FUCA2: variants seen among roughly 807,000 people sequenced by gnomAD.
FUCA2 encodes plasma alpha-L-fucosidase.
Under a neutral mutation model 52.6 loss-of-function variants are expected in FUCA2, and 41 were observed. The ratio of observed to expected loss-of-function variants is 0.78; its 90% CI spans 0.61 to 1.01. The LOEUF (loss-of-function observed/expected upper bound fraction) is 1.01. Ranked by LOEUF, FUCA2 falls within the 50% of genes least tolerant of loss-of-function variation. The pLI is 0.00. For synonymous variants in FUCA2, 211 were observed against 217.3 expected (o/e 0.97, Z 0.26); for missense variants, 507 against 569.5 (o/e 0.89, Z 1.12).
Position 143,502,270 on chromosome 6 carries a change from G to A in FUCA2, c.963+85C>T. ...ATAGAACAATGTCCTATATTTATAG[G>A]CCATTGAGCCATAGAAGAAATAATT... On this transcript the variant is annotated intron_variant, in intron 4 of 6. Transcript: ENST00000002165. The surrounding 1 kb of genome is among the most constrained non-coding windows in gnomAD (Gnocchi z 4.1). The A allele has an allele frequency of 1.4e-6, 2 of 1,404,560 alleles. No homozygotes were observed. Among genetic ancestry groups the A allele is most frequent in the South Asian group, 1.3e-5 (1 of 77,054 alleles). The allele number at this position is 1,404,560 out of a possible 1,614,324, so 87.0% of individuals were successfully genotyped here.
In FUCA2 at chr6:143,510,790, C is replaced by G. The variant is rs77060140; in HGVS notation, c.224+621G>C. Among the ~76,000 whole-genome samples, 298 of 152,272 alleles carry G rather than the reference C, an allele frequency of 2.0e-3. No individual in the cohort carries two copies. The highest frequency in any genetic ancestry group is 2.8e-3 in the Non-Finnish European group (190 of 68,030). On this transcript the variant is annotated intron_variant, in intron 1 of 6. Transcript: ENST00000002165. The surrounding 1 kb of genome is among the most constrained non-coding windows in gnomAD (Gnocchi z 4.4). ...TACATGCACATTTTCACATAGATCT[C>G]AAGGTAAAATCTAACGCACAGATTT...
rs1780516223 is a variant in FUCA2, at chr6:143,500,624, G to A, written c.1154+1308C>T. On this transcript the variant is annotated intron_variant, in intron 5 of 6. Transcript: ENST00000002165. This position sits in a 1 kb window ranked among gnomAD's most constrained non-coding sequence, Gnocchi z 6.9. The stretch of plus-strand genomic sequence containing the variant: ...AGTGGAAGTGTTGAGTAAGAAGTTC[G>A]ACTTTGCATTACCAATATGACCTTG... Among the ~76,000 whole-genome samples the A allele has an allele frequency of 2.0e-5, 3 of 152,098 alleles. No individual in the cohort carries two copies. The highest frequency in any genetic ancestry group is 1.3e-4 in the Admixed American group (2 of 15,270).
Position 143,510,675 on chromosome 6 carries a change from T to A in FUCA2, c.224+736A>T, listed in dbSNP as rs994316490. ...AAAAAGAATATATTATGTGTATGTT[T>A]CTATATATGCACACAAAATATTTCT... On this transcript the variant is annotated intron_variant, in intron 1 of 6. Transcript: ENST00000002165. The surrounding 1 kb of genome is among the most constrained non-coding windows in gnomAD (Gnocchi z 4.4). Among the ~76,000 whole-genome samples the A allele has an allele frequency of 6.6e-6, 1 of 152,124 alleles. No homozygotes were observed. Among genetic ancestry groups the A allele is most frequent in the East Asian group, 1.9e-4 (1 of 5,198 alleles).
Position 143,495,675 on chromosome 6 carries a change from A to G in FUCA2, c.*32T>C. On this transcript the variant is annotated 3_prime_UTR_variant, in exon 7 of 7. Coordinates refer to ENST00000002165, the MANE Select transcript of FUCA2 (RefSeq NM_032020.5). The surrounding 1 kb of genome is among the most constrained non-coding windows in gnomAD (Gnocchi z 5.2). ...CACCTGATAGTTCCTAGCCTTAGAC[A>G]TAACTTGCAGCATCAGCCACTCTGC... is the stretch of plus-strand genomic sequence containing the variant. The G allele has an allele frequency of 1.3e-6, 2 of 1,598,738 alleles. No homozygotes were observed. Among genetic ancestry groups the G allele is most frequent in the East Asian group, 2.2e-5 (1 of 44,622 alleles).
chr6:143,508,193 CA>C (rs1780635718), intron 1 of FUCA2, among the ~76,000 whole-genome samples: 1 of 152,214 alleles, frequency 6.6e-6, no homozygotes, highest in Non-Finnish European at 1.5e-5. Context: ...TAAATGGACT[CA>C]ACCTTCAACA....
chr6:143,501,544 G>T lies in FUCA2; in HGVS notation c.1154+388C>A, dbSNP rs754396628. ...CTCTGCCATTGGGTACCTCTTGTTT[G>T]CTAATTTCATGGGATGCAACATCTG... On this transcript the variant is annotated intron_variant, in intron 5 of 6. Transcript: ENST00000002165. This position sits in a 1 kb window ranked among gnomAD's most constrained non-coding sequence, Gnocchi z 6.1. 1.3e-5 allele frequency among the ~76,000 whole-genome samples: 2 copies of T among 152,104 alleles called. No individual in the cohort carries two copies. The highest frequency in any genetic ancestry group is 2.9e-5 in the Non-Finnish European group (2 of 68,022).
chr6:143,495,772 G>A lies in FUCA2; in HGVS notation c.1339C>T (p.Gln447Ter). 1 of 1,613,970 alleles carries A rather than the reference G, an allele frequency of 6.2e-7. No homozygotes were observed. The highest frequency in any genetic ancestry group is 8.5e-7 in the Non-Finnish European group (1 of 1,179,860). The part of the protein sequence containing the change: ...EQNGIMVELP[Q>*]LTIHQMPCKW... ...CACGGCATCTGATGAATGGTTAGCTGTGGCAGTTCTACCATAATGCCATTT... is the reference window on the plus strand; with the variant it reads ...CACGGCATCTGATGAATGGTTAGCTATGGCAGTTCTACCATAATGCCATTT... The change falls in exon 7 of 7, where the codon CAG becomes TAG. Residue 447 changes from glutamine to a stop codon, truncating the protein, a stop_gained. Transcript: ENST00000002165. LOFTEE classifies it low-confidence loss of function (END_TRUNC). This position sits in a 1 kb window ranked among gnomAD's most constrained non-coding sequence, Gnocchi z 5.2.
rs866162357 is a variant in FUCA2 at position 143,497,380 on chromosome 6, C to G, written c.1263+9G>C. ...CAATTTAAAGGAATAAGGTAAAATT[C>G]CCTCTTACCTCTGTTGCCCCCAGAA... On this transcript the variant is annotated intron_variant, in intron 6 of 6. Coordinates refer to ENST00000002165, the MANE Select transcript of FUCA2 (RefSeq NM_032020.5). This position sits in a 1 kb window ranked among gnomAD's most constrained non-coding sequence, Gnocchi z 5.3. 12 of 1,550,440 alleles carry G rather than the reference C, an allele frequency of 7.7e-6. 1 individual carries two copies. In the Middle Eastern group the frequency reaches 2.0e-3, roughly 261 times the overall value.
Position 143,502,369 on chromosome 6 carries a change from C to T in FUCA2, c.949G>A (p.Glu317Lys). The change falls in exon 4 of 7, where the codon GAA (glutamate) becomes AAA (lysine). Residue 317 changes from glutamate to lysine, a missense_variant. Physicochemically the swap from Glu to Lys is moderately conservative, Grantham distance 56. Coordinates refer to ENST00000002165, the MANE Select transcript of FUCA2 (RefSeq NM_032020.5). This position sits in a 1 kb window ranked among gnomAD's most constrained non-coding sequence, Gnocchi z 4.1. ...EAGISDYLTI[E>K]ELVKQLVETV... Reference sequence around the variant, plus strand: ...TTTCACTGTACCTTCACCAATTCTTCAATTGTAAGATAGTCAGAGATTCCA... The same window carrying T: ...TTTCACTGTACCTTCACCAATTCTTTAATTGTAAGATAGTCAGAGATTCCA... The T allele has an allele frequency of 6.2e-7, 1 of 1,613,832 alleles. No individual in the cohort carries two copies. The highest frequency in any genetic ancestry group is 8.5e-7 in the Non-Finnish European group (1 of 1,179,800).
intron 5 of FUCA2, among the ~76,000 whole-genome samples, chr6:143,498,220 T>C (rs1780486519): frequency 6.6e-6 from 1 of 151,824 alleles, no homozygotes; most frequent in Non-Finnish European, 1.5e-5. Context: ...ACTCAAGAAA[T>C]ACTTATTGAA....
In FUCA2 at chr6:143,507,201, C is replaced by G. The variant is rs1780619179; in HGVS notation, c.412+36G>C. ...AAAGAACAACTTTTCATTTCTTAAC[C>G]ATTGTCAGCAATTTCCATAGGCTGG... On this transcript the variant is annotated intron_variant, in intron 2 of 6. Transcript: ENST00000002165. This position sits in a 1 kb window ranked among gnomAD's most constrained non-coding sequence, Gnocchi z 4.5. 6.5e-7 allele frequency: 1 copy of G among 1,527,180 alleles called. No individual in the cohort carries two copies. The highest frequency in any genetic ancestry group is 8.8e-7 in the Non-Finnish European group (1 of 1,137,368). The allele number at this position is 1,527,180 out of a possible 1,614,324, so 94.6% of individuals were successfully genotyped here. A position where few individuals can be genotyped will look rare whatever the true frequency, so the allele number is the denominator to read the frequency against.
chr6:143,511,440 G>T lies in FUCA2; in HGVS notation c.195C>A (p.Ser65=), dbSNP rs776083578. 1.9e-6 allele frequency: 3 copies of T among 1,611,750 alleles called. No homozygotes were observed. In the African/African-American group the frequency reaches 4.0e-5, roughly 21 times the overall value. Residue 65 remains serine, a synonymous_variant, in exon 1 of 7, where the codon TCC becomes TCA. Coordinates refer to ENST00000002165, the MANE Select transcript of FUCA2 (RefSeq NM_032020.5). This position sits in a 1 kb window ranked among gnomAD's most constrained non-coding sequence, Gnocchi z 6.3. ...FGIFIHWGVF[S]VPSFGSEWFW... ...ACCACTCGCTACCGAAGCTGGGCACGGAAAACACTCCCCAGTGGATGAAGA... is the reference window on the plus strand; with the variant it reads ...ACCACTCGCTACCGAAGCTGGGCACTGAAAACACTCCCCAGTGGATGAAGA...
At position 143,495,898 on chromosome 6, in the gene FUCA2, C is replaced by T; in HGVS notation, c.1264-51G>A. The T allele has an allele frequency of 3.2e-6, 5 of 1,586,900 alleles. No homozygotes were observed. Among genetic ancestry groups the T allele is most frequent in the Non-Finnish European group, 3.4e-6 (4 of 1,161,016 alleles). Reference sequence around the variant, plus strand: ...TGTCTCCAAATTTATCTCTTTATCTCACCCACTTTCTATTGGGAAGGAGTG... The same window carrying T: ...TGTCTCCAAATTTATCTCTTTATCTTACCCACTTTCTATTGGGAAGGAGTG... On this transcript the variant is annotated intron_variant, in intron 6 of 6. Transcript: ENST00000002165. This position sits in a 1 kb window ranked among gnomAD's most constrained non-coding sequence, Gnocchi z 5.2.
At position 143,511,338 on chromosome 6, in the gene FUCA2, C is replaced by G; in HGVS notation, c.224+73G>C. On this transcript the variant is annotated intron_variant, in intron 1 of 6. Coordinates refer to ENST00000002165, the MANE Select transcript of FUCA2 (RefSeq NM_032020.5). This position sits in a 1 kb window ranked among gnomAD's most constrained non-coding sequence, Gnocchi z 6.3. The stretch of plus-strand genomic sequence containing the variant: ...GGCAGCACCAGGCGGCGAACCAGGC[C>G]CGCTGGGTGGTGGCTGGAGGCTGCG... 4.9e-6 allele frequency: 7 copies of G among 1,416,082 alleles called. No individual in the cohort carries two copies. Among genetic ancestry groups the G allele is most frequent in the Non-Finnish European group, 5.7e-6 (6 of 1,045,052 alleles). The allele number at this position is 1,416,082 out of a possible 1,614,324, so 87.7% of individuals were successfully genotyped here.
At position 143,499,805 on chromosome 6, in the gene FUCA2, G is replaced by C. The variant is rs1780508253; in HGVS notation, c.1154+2127C>G. Among the ~76,000 whole-genome samples, 1 of 152,114 alleles carries C rather than the reference G, an allele frequency of 6.6e-6. No homozygotes were observed. The highest frequency in any genetic ancestry group is 1.5e-5 in the Non-Finnish European group (1 of 68,028). ...GAGTGTGGGGGTGGAAGCTCGACCA[G>C]AGGGGGTTCAAGAGAAAAACTGTAG... On this transcript the variant is annotated intron_variant, in intron 5 of 6. Coordinates refer to ENST00000002165, the MANE Select transcript of FUCA2 (RefSeq NM_032020.5). The surrounding 1 kb of genome is among the most constrained non-coding windows in gnomAD (Gnocchi z 6.0).
chr6:143,502,475 A>G lies in FUCA2; in HGVS notation c.843T>C (p.Tyr281=), dbSNP rs747993291. 2.5e-6 allele frequency: 4 copies of G among 1,614,150 alleles called. No homozygotes were observed. The highest frequency in any genetic ancestry group is 1.1e-5 in the South Asian group (1 of 91,082). ...HGGFYTCSDR[Y]NPGHLLPHKW... ...TATGTGGCAAAAGATGTCCTGGGTT[A>G]TAACGATCACTGCAGGTATAGAAGC... The change falls in exon 4 of 7, where the codon TAT becomes TAC. Residue 281 remains tyrosine, a synonymous_variant. Transcript: ENST00000002165. This position sits in a 1 kb window ranked among gnomAD's most constrained non-coding sequence, Gnocchi z 4.1.
chr6:143,502,476 TA>T lies in FUCA2; in HGVS notation c.841del (p.Tyr281IlefsTer15). 1 of 1,614,128 alleles carries T rather than the reference TA, an allele frequency of 6.2e-7. No homozygotes were observed. The highest frequency in any genetic ancestry group is 8.5e-7 in the Non-Finnish European group (1 of 1,179,994). ...ATGTGGCAAAAGATGTCCTGGGTTA[TA>T]ACGATCACTGCAGGTATAGAAGCCA... ...HGGFYTCSDR[Y>X]NPGHLLPHKW... On this transcript the variant is annotated frameshift_variant, in exon 4 of 7. Coordinates refer to ENST00000002165, the MANE Select transcript of FUCA2 (RefSeq NM_032020.5). LOFTEE classifies it high-confidence loss of function. This position sits in a 1 kb window ranked among gnomAD's most constrained non-coding sequence, Gnocchi z 4.1.
chr6:143,510,838 C>T lies in FUCA2; in HGVS notation c.224+573G>A, dbSNP rs1562667554. Among the ~76,000 whole-genome samples, 1 of 151,718 alleles carries T rather than the reference C, an allele frequency of 6.6e-6. No individual in the cohort carries two copies. The highest frequency in any genetic ancestry group is 1.5e-5 in the Non-Finnish European group (1 of 68,000). On this transcript the variant is annotated intron_variant, in intron 1 of 6. Coordinates refer to ENST00000002165, the MANE Select transcript of FUCA2 (RefSeq NM_032020.5). This position sits in a 1 kb window ranked among gnomAD's most constrained non-coding sequence, Gnocchi z 4.4. Reference sequence around the variant, plus strand: ...TTTTTGTGTAGCACCTTTCATACGGCAGTATGATAACTGGGTTGTGTTAAG... The same window carrying T: ...TTTTTGTGTAGCACCTTTCATACGGTAGTATGATAACTGGGTTGTGTTAAG...
intron 6 of FUCA2, chr6:143,496,632 A>C (rs2128421356): frequency 6.6e-6 from 1 of 152,330 alleles, no homozygotes; most frequent in East Asian, 1.9e-4. Context: ...AAAATATATC[A>C]GAATGAACTC....
Sources: gnomAD v4.1 joint callset for allele counts (sites outside exome capture counted in the v4.1 genomes callset) on GRCh38, gnomAD v4.1.1 for gene constraint, Gnocchi (gnomAD v3.1) non-coding constraint, MANE v1.5 for transcripts, NCBI Gene and HGNC (gene_info 2026-07-23, HGNC 2026-07-21) for gene names.